The following DAAM1 variants were observed in gnomAD, a reference collection of about 807,000 sequenced individuals.
DAAM1 encodes disheveled-associated activator of morphogenesis 1.
In DAAM1, 52 loss-of-function variants were observed where a neutral mutation model predicts 130.0. The observed-to-expected ratio is 0.40, with a 90% CI of 0.32 to 0.50. The LOEUF (loss-of-function observed/expected upper bound fraction) is 0.50. Ranked by LOEUF, DAAM1 falls within the 20% of genes least tolerant of loss-of-function variation. The pLI is 0.61. For missense variants in DAAM1, 1,134 were observed against 1,303.8 expected (o/e 0.87, Z 2.01); for synonymous variants, 452 against 444.5 (o/e 1.02, Z -0.21).
intron 3 of DAAM1, among the ~76,000 whole-genome samples, chr14:59,304,179 A>T (rs1884287888): frequency 6.6e-6 from 1 of 152,226 alleles, no homozygotes; most frequent in South Asian, 2.1e-4. Context: ...AGAAGATAGG[A>T]TTATGAAAGA....
chr14:59,311,001 C>A (rs1336889484), intron 3 of DAAM1, among the ~76,000 whole-genome samples: 1 of 151,970 alleles, frequency 6.6e-6, no homozygotes, highest in Non-Finnish European at 1.5e-5. Flanking sequence ...CTCTGACATA[C>A]TTATGTATTA....
intron 2 of DAAM1, among the ~76,000 whole-genome samples, chr14:59,289,784 A>ATATATATATATATATAT: frequency 2.9e-4 from 37 of 128,636 alleles, no homozygotes; most frequent in East Asian, 5.9e-4. Context: ...ATATATATAT[A>ATATATATATATATATAT]ATGGAATGCT....
Position 59,370,144 on chromosome 14 carries a change from C to CTTTTTTTTTTTTTTTTTTTTTTTTTTTT in DAAM1, c.*1311_*1312insTTTTTTTTTTTTTTTTTTTTTTTTTTTT, listed in dbSNP as rs398025271. The CTTTTTTTTTTTTTTTTTTTTTTTTTTTT allele has an allele frequency of 6.3e-5, 6 of 95,400 alleles. No homozygotes were observed. The highest frequency in any genetic ancestry group is 1.3e-4 in the Admixed American group (1 of 7,946). 5.9% of individuals were successfully genotyped at this position (95,400 alleles called of 1,614,324 possible). On this transcript the variant is annotated 3_prime_UTR_variant, in exon 25 of 25. Transcript: ENST00000360909. ...TATAAAGAGGACTGTTACTTTTTTA[C>CTTTTTTTTTTTTTTTTTTTTTTTTTTTT]TTTTTTTTTTTTTTTTTTTTTTTTT...
chr14:59,190,371 T>C (rs61986013), intron 1 of DAAM1, among the ~76,000 whole-genome samples: 15,799 of 152,142 alleles, frequency 0.1, 1,110 homozygotes, highest in African/African-American at 0.2. Context: ...AGCCGCATCA[T>C]TTCCCCAATA....
chr14:59,284,453 G>C (rs1308578607), intron 2 of DAAM1, among the ~76,000 whole-genome samples: 1 of 152,070 alleles, frequency 6.6e-6, no homozygotes, highest in Non-Finnish European at 1.5e-5. Context: ...AAATCTTACT[G>C]TGTTTAATTT....
intron 23 of DAAM1, among the ~76,000 whole-genome samples, chr14:59,364,958 T>A (rs891924618): frequency 1.3e-5 from 2 of 152,200 alleles, no homozygotes; most frequent in African/African-American, 2.4e-5. Context: ...CTCACCACTT[T>A]AGAGTTTGTG....
At chr14:59,343,567 CA>C (rs1200390748) in intron 16 of DAAM1, among the ~76,000 whole-genome samples, 1 of 152,202 alleles carries the variant, frequency 6.6e-6, no homozygotes. Context: ...AAGTTCACCA[CA>C]GTGAAAGCCT....
At position 59,280,558 on chromosome 14, in the gene DAAM1, T is replaced by TC. The variant is rs1274924847; in HGVS notation, c.184-10658dup. On this transcript the variant is annotated intron_variant, in intron 2 of 24. Transcript: ENST00000360909. The stretch of plus-strand genomic sequence containing the variant: ...TCCTTTTTTTTTTTTTTTTTTTTTT[T>TC]CATTTCTGCTATGTCAGACTGCTTT... Among the ~76,000 whole-genome samples the TC allele has an allele frequency of 1.4e-4, 20 of 146,668 alleles. 1 individual carries two copies. In the East Asian group the frequency reaches 3.6e-3, roughly 26 times the overall value.
chr14:59,278,308 A>G (rs1883058893), intron 2 of DAAM1, among the ~76,000 whole-genome samples: 1 of 152,136 alleles, frequency 6.6e-6, no homozygotes, highest in African/African-American at 2.4e-5. Context: ...TCATGGAACC[A>G]TGAGGATGCT....
intron 1 of DAAM1, among the ~76,000 whole-genome samples, chr14:59,216,244 C>T (rs934482210): frequency 6.6e-6 from 1 of 152,178 alleles, no homozygotes; most frequent in Non-Finnish European, 1.5e-5. Context: ...CTGCCTGTCT[C>T]AGGCACAGTT....
intron 17 of DAAM1, among the ~76,000 whole-genome samples, chr14:59,351,998 A>G (rs1029668343): frequency 6.6e-5 from 10 of 151,124 alleles, no homozygotes; most frequent in Admixed American, 1.3e-4. Context: ...ATGGAAGGGG[A>G]AAAAAAAAGA....
intron 2 of DAAM1, among the ~76,000 whole-genome samples, chr14:59,286,219 T>A (rs1883444704): frequency 6.6e-6 from 1 of 152,036 alleles, no homozygotes; most frequent in Non-Finnish European, 1.5e-5. Context: ...AATTTTTTTT[T>A]AAATCCTTGA....
intron 12 of DAAM1, 72 bp downstream of exon 12, chr14:59,327,063 A>C: frequency 6.5e-7 from 1 of 1,540,960 alleles, no homozygotes; most frequent in Admixed American, 1.7e-5. Context: ...TATATTTTGG[A>C]AATTTACATT....
intron 17 of DAAM1, 73 bp downstream of exon 17, chr14:59,347,696 C>CCCT: frequency 4.2e-6 from 6 of 1,425,976 alleles, no homozygotes; most frequent in Non-Finnish European, 5.9e-6. Context: ...TTGAGAACAT[C>CCCT]CGGTTGTTGC....
At chr14:59,351,156 C>T (rs1886279478) in intron 17 of DAAM1, among the ~76,000 whole-genome samples, 1 of 151,868 alleles carries the variant, frequency 6.6e-6, no homozygotes, top group African/African-American at 2.4e-5. Flanking sequence ...GACTCTTCCT[C>T]TCTCATATAC....
At chr14:59,312,861 T>C (rs1302226488) in intron 3 of DAAM1, among the ~76,000 whole-genome samples, 22 of 152,196 alleles carry the variant, frequency 1.4e-4, no homozygotes, top group Admixed American at 1.4e-3. Flanking sequence ...GGCTCCCCCA[T>C]CCACAGAATT....
Position 59,245,311 on chromosome 14 carries a change from C to G in DAAM1, c.-37-18130C>G, listed in dbSNP as rs148512131. On this transcript the variant is annotated intron_variant, in intron 1 of 24. Coordinates refer to ENST00000360909, the MANE Select transcript of DAAM1 (RefSeq NM_001270520.2). ...ATTTGGTGCCCTTTTGTAATTTATA[C>G]TTTCAATACTGTATTGCTTGCTTGT... Among the ~76,000 whole-genome samples, 333 of 152,176 alleles carry G rather than the reference C, an allele frequency of 2.2e-3. 1 individual carries two copies. Among genetic ancestry groups the G allele is most frequent in the African/African-American group, 7.5e-3 (312 of 41,502 alleles).
chr14:59,343,617 T>C (rs1885937912), intron 16 of DAAM1, among the ~76,000 whole-genome samples: 1 of 152,202 alleles, frequency 6.6e-6, no homozygotes, highest in Non-Finnish European at 1.5e-5. Flanking sequence ...TGAACACTTG[T>C]GTTCACAGTA....
intron 3 of DAAM1, among the ~76,000 whole-genome samples, chr14:59,294,167 A>G (rs1883861072): frequency 6.6e-6 from 1 of 152,230 alleles, no homozygotes; most frequent in African/African-American, 2.4e-5. Context: ...GGTGAAAAGC[A>G]AACTTTCCAT....
Sources: gnomAD v4.1 joint callset for allele counts (sites outside exome capture counted in the v4.1 genomes callset) on GRCh38, gnomAD v4.1.1 for gene constraint, MANE v1.5 for transcripts, NCBI Gene and HGNC (gene_info 2026-07-23, HGNC 2026-07-21) for gene names.